RSF1: variants seen among roughly 807,000 people sequenced by gnomAD.
RSF1 encodes the protein HBV pX-associated protein 8.
A neutral mutation model predicts 145.2 loss-of-function variants in RSF1; 13 were observed. The observed-to-expected ratio is 0.09, with a 90% CI of 0.06 to 0.14. RSF1 has a LOEUF of 0.14. RSF1 is among the 10% of genes least tolerant of loss of function. The probability of loss-of-function intolerance (pLI) is 1.00; values close to 1 mark genes in which losing one functional copy is unlikely to be tolerated. For missense variants in RSF1, 1,517 were observed against 1,718.2 expected, an observed-to-expected ratio of 0.88 and a Z score of 2.07; for synonymous variants, 577 against 592.6, an observed-to-expected ratio of 0.97 and a Z score of 0.38.
the RSF1 span, among the ~76,000 whole-genome samples, chr11:77,842,878 T>C: frequency 6.6e-6 from 1 of 152,358 alleles, no homozygotes; most frequent in South Asian, 2.1e-4. Context: ...TTCCAGAATA[T>C]ATTTATCACC....
chr11:77,700,748 C>T lies in RSF1; in HGVS notation c.2481G>A (p.Glu827=), dbSNP rs763999364. 8.8e-6 allele frequency: 14 copies of T among 1,586,860 alleles called. No individual in the cohort carries two copies. The highest frequency in any genetic ancestry group is 1.2e-5 in the Non-Finnish European group (14 of 1,174,126). Residue 827 remains glutamate (E), a synonymous_variant, in exon 6 of 16, where the codon GAG becomes GAA. Coordinates refer to ENST00000308488, the MANE Select transcript of RSF1 (RefSeq NM_016578.4). ...TGCTTACTTTAGAATTTGTATCTTTCTCTGATTTTTTCAAAATTTCCTTTT... is the reference window on the plus strand; with the variant it reads ...TGCTTACTTTAGAATTTGTATCTTTTTCTGATTTTTTCAAAATTTCCTTTT... ...TDKKEILKKS[E]KDTNSKVSKV... is the part of the protein sequence containing the mutation.
intron 12 of RSF1, 24 bp from the exon 13 acceptor site, chr11:77,677,023 G>A (rs372678078): frequency 5.3e-4 from 834 of 1,575,262 alleles, no homozygotes; most frequent in Non-Finnish European, 7.0e-4. Flanking sequence ...AGGGAAGTTC[G>A]GGGAGAGAAA....
At chr11:77,847,742 C>T in the RSF1 span, among the ~76,000 whole-genome samples, 3 of 152,088 alleles carry the variant, frequency 2.0e-5, no homozygotes, top group African/African-American at 7.2e-5. Context: ...AAGTCATAAC[C>T]ACTTTAGCTA....
chr11:77,784,591 C>T (rs1422523791), intron 1 of RSF1, among the ~76,000 whole-genome samples: 1 of 152,046 alleles, frequency 6.6e-6, no homozygotes, highest in Non-Finnish European at 1.5e-5. Flanking sequence ...TGTTACCATG[C>T]TGCTAAGCGC....
At chr11:77,676,066 C>T (rs1383871985) in intron 13 of RSF1, among the ~76,000 whole-genome samples, 2 of 152,186 alleles carry the variant, frequency 1.3e-5, no homozygotes, top group African/African-American at 4.8e-5. Flanking sequence ...TGACATTTTA[C>T]GGCTTGCTGT....
At chr11:77,803,922 T>C (rs1948651555) in intron 1 of RSF1, among the ~76,000 whole-genome samples, 1 of 151,836 alleles carries the variant, frequency 6.6e-6, no homozygotes, top group African/African-American at 2.4e-5. Flanking sequence ...TCTAGAAAAA[T>C]ATAACTAAAT....
chr11:77,742,702 A>T (rs947549433), intron 3 of RSF1, among the ~76,000 whole-genome samples: 1 of 152,194 alleles, frequency 6.6e-6, no homozygotes, highest in African/African-American at 2.4e-5. Flanking sequence ...CATTACCCTG[A>T]TAATTAGTGA....
intron 1 of RSF1, among the ~76,000 whole-genome samples, chr11:77,814,465 G>A (rs1461205626): frequency 1.3e-5 from 2 of 151,992 alleles, no homozygotes; most frequent in African/African-American, 4.8e-5. Flanking sequence ...GGAAAAAAAA[G>A]GACAGAGTCT....
intron 1 of RSF1, among the ~76,000 whole-genome samples, chr11:77,792,030 C>T (rs1439108266): frequency 2.0e-5 from 3 of 152,188 alleles, no homozygotes; most frequent in Admixed American, 6.5e-5. Context: ...GATAAAGACA[C>T]ACCCAAGACT....
At chr11:77,717,132 C>T (rs1465990033) in intron 5 of RSF1, among the ~76,000 whole-genome samples, 2 of 147,816 alleles carry the variant, frequency 1.4e-5, no homozygotes, top group African/African-American at 5.0e-5. Context: ...GAGCCAAGAT[C>T]GCACCACTGT....
the RSF1 span, among the ~76,000 whole-genome samples, chr11:77,839,827 C>A: frequency 4.0e-5 from 6 of 151,756 alleles, no homozygotes; most frequent in South Asian, 1.3e-3. Flanking sequence ...TGGTGGGGGT[C>A]AGGGGGAGGG....
chr11:77,810,725 T>A (rs1948722405), intron 1 of RSF1, among the ~76,000 whole-genome samples: 1 of 152,100 alleles, frequency 6.6e-6, no homozygotes, highest in Admixed American at 6.5e-5. Flanking sequence ...CACATCCAAC[T>A]AATTTGTATT....
chr11:77,759,303 G>A (rs1307116186), intron 2 of RSF1, among the ~76,000 whole-genome samples: 1 of 152,198 alleles, frequency 6.6e-6, no homozygotes, highest in Non-Finnish European at 1.5e-5. Context: ...TTGAGCCCAG[G>A]AGTTTGAGAT....
At chr11:77,756,358 CAAAA>C (rs936128985) in intron 2 of RSF1, among the ~76,000 whole-genome samples, 2 of 54,268 alleles carry the variant, frequency 3.7e-5, no homozygotes, top group Non-Finnish European at 7.9e-5. Flanking sequence ...AACTCTGTCT[CAAAA>C]AAAAAAAAAA....
chr11:77,698,978 T>C (rs1960348403), intron 6 of RSF1, among the ~76,000 whole-genome samples: 2 of 152,238 alleles, frequency 1.3e-5, no homozygotes, highest in African/African-American at 4.8e-5. Flanking sequence ...TAAATGCCAT[T>C]ACATAACTGT....
the RSF1 span, among the ~76,000 whole-genome samples, chr11:77,834,822 TA>T: frequency 6.6e-6 from 1 of 152,182 alleles, no homozygotes; most frequent in East Asian, 1.9e-4. Flanking sequence ...GGAAAGGACA[TA>T]ACTTTTGACA....
chr11:77,678,280 C>G, intron 11 of RSF1, 127 bp from the exon 12 acceptor site: 4 of 451,210 alleles, frequency 8.9e-6, no homozygotes, highest in Non-Finnish European at 1.4e-5. Flanking sequence ...GCAGTGGCGC[C>G]ATCTCGGCTC....
In RSF1 at chr11:77,786,256, A is replaced by G. The variant is rs1416879686; in HGVS notation, c.188-21567T>C. On this transcript the variant is annotated intron_variant, in intron 1 of 15. Coordinates refer to ENST00000308488, the MANE Select transcript of RSF1 (RefSeq NM_016578.4). Reference sequence around the variant, plus strand: ...CCACAAATACTATGTATATTAAGAGATTTAGTCTACCAAACTGAATTTATT... The same window carrying G: ...CCACAAATACTATGTATATTAAGAGGTTTAGTCTACCAAACTGAATTTATT... 2.0e-5 allele frequency among the ~76,000 whole-genome samples: 3 copies of G among 152,152 alleles called. No individual in the cohort carries two copies. The South Asian group carries it at 6.2e-4, about 31-fold the overall frequency.
chr11:77,851,379 G>A, the RSF1 span: 3 of 152,222 alleles, frequency 2.0e-5, no homozygotes, highest in Non-Finnish European at 2.9e-5. Flanking sequence ...TTCTGCTCAA[G>A]ACAGTTCTTC....
Sources: allele counts gnomAD v4.1 joint callset (sites outside exome capture counted in the v4.1 genomes callset), GRCh38; gene constraint gnomAD v4.1.1; transcripts MANE v1.5; gene names NCBI Gene and HGNC (gene_info 2026-07-23, HGNC 2026-07-21).